Variants in SFMBT2 observed in about 807,000 individuals in gnomAD.
SFMBT2 encodes scm-like with four MBT domains protein 2.
A neutral mutation model predicts 110.1 loss-of-function variants in SFMBT2; 38 were observed. The observed-to-expected ratio is 0.35, with a 90% confidence interval of 0.27 to 0.45. The LOEUF is 0.45. SFMBT2 is among the 20% of genes least tolerant of loss of function. The probability of loss-of-function intolerance (pLI) is 1.00; values close to 1 mark genes in which losing one functional copy is unlikely to be tolerated. For missense variants in SFMBT2, 1,011 were observed against 1,094.9 expected, an observed-to-expected ratio of 0.92 and a Z score of 1.08; for synonymous variants, 425 against 425.4, an observed-to-expected ratio of 1.00 and a Z score of 0.01.
intron 16 of SFMBT2, among the ~76,000 whole-genome samples, chr10:7,186,962 A>G (rs1205840261): frequency 6.6e-6 from 1 of 152,226 alleles, no homozygotes; most frequent in African/African-American, 2.4e-5. Context: ...ACTTTTTGTC[A>G]TATTTGATAT....
chr10:7,378,536 GT>G (rs1241027061), intron 2 of SFMBT2, among the ~76,000 whole-genome samples: 1 of 56,882 alleles, frequency 1.8e-5, no homozygotes. Flanking sequence ...GTATGAGTGT[GT>G]GGGGGGGTGT....
chr10:7,307,087 T>C (rs1241173188), intron 4 of SFMBT2, among the ~76,000 whole-genome samples: 1 of 152,202 alleles, frequency 6.6e-6, no homozygotes, highest in Non-Finnish European at 1.5e-5. Context: ...TTTTAAAAGA[T>C]ACCATTTACA....
rs1301076196 is a variant in SFMBT2, at chr10:7,160,900, C to G, written c.*2870G>C. The G allele has an allele frequency of 6.6e-6, 1 of 152,260 alleles. No individual in the cohort carries two copies. Among genetic ancestry groups the G allele is most frequent in the Admixed American group, 6.5e-5 (1 of 15,288 alleles). 9.4% of individuals were successfully genotyped at this position (152,260 alleles called of 1,614,324 possible). A position where few individuals can be genotyped will look rare whatever the true frequency, so the allele number is the denominator to read the frequency against. On this transcript the variant is annotated 3_prime_UTR_variant, in exon 21 of 21. Coordinates refer to ENST00000397167, the MANE Select transcript of SFMBT2 (RefSeq NM_001387889.1). The stretch of plus-strand genomic sequence containing the variant: ...GGCAACAGCTGGAGGAAAAGCACCT[C>G]CTGGGTCCTAAAATCTTTCTGGGCT...
At chr10:7,235,979 A>G (rs549274949) in intron 9 of SFMBT2, among the ~76,000 whole-genome samples, 1 of 152,312 alleles carries the variant, frequency 6.6e-6, no homozygotes, top group Non-Finnish European at 1.5e-5. Flanking sequence ...ATAGGTTTAT[A>G]AGACAGTTTT....
chr10:7,192,984 T>C (rs938636017), intron 15 of SFMBT2, among the ~76,000 whole-genome samples: 2 of 152,168 alleles, frequency 1.3e-5, no homozygotes, highest in African/African-American at 4.8e-5. Context: ...AAACAAGCCC[T>C]GAGAAGCGCC....
At chr10:7,249,907 A>T (rs1158022157) in intron 7 of SFMBT2, among the ~76,000 whole-genome samples, 2 of 152,230 alleles carry the variant, frequency 1.3e-5, no homozygotes. Context: ...TGCTGGGGCC[A>T]TGTCCAAAGA....
At position 7,163,626 on chromosome 10, in the gene SFMBT2, G is replaced by A. The variant is rs193155574; in HGVS notation, c.*144C>T. On this transcript the variant is annotated 3_prime_UTR_variant, in exon 21 of 21. Transcript: ENST00000397167. The surrounding 1 kb of genome is among the most constrained non-coding windows in gnomAD (Gnocchi z 4.8). The stretch of plus-strand genomic sequence containing the variant: ...TGGAAACAGCTCACAGGCTGGCGGA[G>A]GCAGAAGATCCTGGGCTTCTGGTTT... 6 of 701,966 alleles carry A rather than the reference G, an allele frequency of 8.5e-6. No homozygotes were observed. In the East Asian group the frequency reaches 1.4e-4, roughly 16 times the overall value. 43.5% of individuals were successfully genotyped at this position (701,966 alleles called of 1,614,324 possible). A position where few individuals can be genotyped will look rare whatever the true frequency, so the allele number is the denominator to read the frequency against.
chr10:7,198,238 T>G (rs1435713831), intron 14 of SFMBT2: 1 of 741,890 alleles, frequency 1.3e-6, no homozygotes, highest in African/African-American at 1.9e-5. Flanking sequence ...ATCTAGAAAG[T>G]TCATTCATTT....
intron 4 of SFMBT2, among the ~76,000 whole-genome samples, chr10:7,356,293 C>T (rs1303280241): frequency 1.3e-5 from 2 of 152,140 alleles, no homozygotes; most frequent in Non-Finnish European, 2.9e-5. Context: ...CTCATGTGTT[C>T]GTTTTTTTCC....
chr10:7,307,604 G>A (rs1046042354), intron 4 of SFMBT2, among the ~76,000 whole-genome samples: 2 of 152,210 alleles, frequency 1.3e-5, no homozygotes, highest in African/African-American at 2.4e-5. Context: ...ATAGTTCTAG[G>A]ACAACTGGTT....
intron 6 of SFMBT2, among the ~76,000 whole-genome samples, chr10:7,281,524 T>A (rs1192454844): frequency 6.6e-6 from 1 of 152,150 alleles, no homozygotes; most frequent in Non-Finnish European, 1.5e-5. Flanking sequence ...TAGATTCCAG[T>A]TAAGGAAGTG....
chr10:7,231,833 T>C (rs1840116574), intron 9 of SFMBT2, among the ~76,000 whole-genome samples: 1 of 152,226 alleles, frequency 6.6e-6, no homozygotes, highest in Non-Finnish European at 1.5e-5. Flanking sequence ...GGGCTGATAA[T>C]GAGCTGTCTT....
intron 1 of SFMBT2, among the ~76,000 whole-genome samples, chr10:7,406,232 T>C (rs1034151878): frequency 5.9e-5 from 9 of 152,072 alleles, no homozygotes; most frequent in Non-Finnish European, 1.3e-4. Flanking sequence ...AGTGAACTAT[T>C]TTTGTTCAAA....
chr10:7,405,887 G>A (rs1449166632), intron 1 of SFMBT2, among the ~76,000 whole-genome samples: 1 of 135,508 alleles, frequency 7.4e-6, no homozygotes, highest in Non-Finnish European at 1.5e-5. Context: ...ACACATCCTG[G>A]ATCACCAAAC....
intron 4 of SFMBT2, among the ~76,000 whole-genome samples, chr10:7,322,126 AG>A (rs1564439425): frequency 6.6e-6 from 1 of 152,144 alleles, no homozygotes; most frequent in Non-Finnish European, 1.5e-5. Context: ...GGGACCCACT[AG>A]GGGGGAATTG....
rs1839668324 is a variant in SFMBT2 at position 7,219,879 on chromosome 10, T to C, written c.1330+532A>G. 1.7e-5 allele frequency: 3 copies of C among 175,482 alleles called. No homozygotes were observed. The South Asian group carries it at 5.7e-4, about 33-fold the overall frequency. 10.9% of individuals were successfully genotyped at this position (175,482 alleles called of 1,614,324 possible). ...AAATACAGCATTCTGTGAATTTTCTTGCACCTGTAAATACGCTATAGCTAT... is the reference window on the plus strand; with the variant it reads ...AAATACAGCATTCTGTGAATTTTCTCGCACCTGTAAATACGCTATAGCTAT... On this transcript the variant is annotated intron_variant, in intron 11 of 20. Transcript: ENST00000397167.
intron 7 of SFMBT2, among the ~76,000 whole-genome samples, chr10:7,255,680 C>T (rs1007037143): frequency 6.6e-6 from 1 of 152,216 alleles, no homozygotes; most frequent in Non-Finnish European, 1.5e-5. Context: ...GTTCTATCTA[C>T]ATCAACTTCC....
chr10:7,282,204 A>T (rs1189708413), intron 6 of SFMBT2, among the ~76,000 whole-genome samples: 1 of 152,244 alleles, frequency 6.6e-6, no homozygotes, highest in Non-Finnish European at 1.5e-5. Flanking sequence ...TTCATATATT[A>T]TAAAGACCCC....
chr10:7,164,109 G>A (rs868731108), intron 20 of SFMBT2, 199 bp from the exon 21 acceptor site: 10 of 985,328 alleles, frequency 1.0e-5, no homozygotes, highest in East Asian at 1.1e-4. Flanking sequence ...TTTTGTAGCC[G>A]GGCACAGTGG....
Sources: gnomAD v4.1 joint callset for allele counts (sites outside exome capture counted in the v4.1 genomes callset) on GRCh38, gnomAD v4.1.1 for gene constraint, Gnocchi (gnomAD v3.1) non-coding constraint, MANE v1.5 for transcripts, NCBI Gene and HGNC (gene_info 2026-07-23, HGNC 2026-07-21) for gene names.